PTPRD: variants seen among roughly 807,000 people sequenced by gnomAD.
PTPRD encodes the protein receptor-type tyrosine-protein phosphatase delta.
PTPRD carries 34 observed loss-of-function variants against 214.5 expected under a neutral mutation model. That is an observed-to-expected ratio of 0.16 (90% CI 0.12 to 0.21). PTPRD has a LOEUF of 0.21. Among genes scored for constraint, PTPRD ranks in the 10% least tolerant of loss-of-function variants. The pLI, the probability that PTPRD is intolerant of heterozygous loss-of-function variation, is 1.00. For missense variants in PTPRD, 2,545 were observed against 2,398.7 expected, an observed-to-expected ratio of 1.06 and a Z score of -1.27; for synonymous variants, 1,128 against 845.7, an observed-to-expected ratio of 1.33 and a Z score of -5.79.
chr9:10,319,307 G>C lies in PTPRD; in HGVS notation c.-545+21656C>G, dbSNP rs2096505977. On this transcript the variant is annotated intron_variant, in intron 3 of 45. Coordinates refer to ENST00000381196, the MANE Select transcript of PTPRD (RefSeq NM_002839.4). ...TCTTCTCCTCTGCAGATGACTTAGT[G>C]CTCATTTCATACTGTGGTTTACAGT... is the stretch of plus-strand genomic sequence containing the variant. Among the ~76,000 whole-genome samples the C allele has an allele frequency of 1.3e-5, 2 of 152,058 alleles. 1 individual carries two copies. Among genetic ancestry groups the C allele is most frequent in the South Asian group, 4.1e-4 (2 of 4,832 alleles).
intron 2 of PTPRD, among the ~76,000 whole-genome samples, chr9:10,435,460 G>C (rs929875063): frequency 6.6e-6 from 1 of 151,892 alleles, no homozygotes; most frequent in African/African-American, 2.4e-5. Flanking sequence ...GGTCTTATGA[G>C]TAAAGAGGAA....
At chr9:9,706,457 G>C (rs972006845) in intron 7 of PTPRD, among the ~76,000 whole-genome samples, 1 of 135,920 alleles carries the variant, frequency 7.4e-6, no homozygotes, top group Non-Finnish European at 1.6e-5. Context: ...TTTTTTTTTT[G>C]AGATGGAGTT....
At chr9:10,217,685 G>A (rs1351127536) in intron 3 of PTPRD, among the ~76,000 whole-genome samples, 1 of 151,388 alleles carries the variant, frequency 6.6e-6, no homozygotes, top group Non-Finnish European at 1.5e-5. Context: ...TCAGAGTAAG[G>A]TCACATCATC....
intron 8 of PTPRD, among the ~76,000 whole-genome samples, chr9:9,514,045 A>G (rs1297415574): frequency 6.6e-6 from 1 of 151,996 alleles, no homozygotes; most frequent in African/African-American, 2.4e-5. Flanking sequence ...TCAAGTCCGA[A>G]TCTGTGCTAA....
intron 12 of PTPRD, among the ~76,000 whole-genome samples, chr9:8,662,015 C>A (rs941921240): frequency 6.6e-6 from 1 of 152,138 alleles, no homozygotes; most frequent in Non-Finnish European, 1.5e-5. Flanking sequence ...CCTCCGGGTT[C>A]AAGTGATCTT....
chr9:10,100,350 T>A (rs1175959742), intron 3 of PTPRD, among the ~76,000 whole-genome samples: 1 of 151,666 alleles, frequency 6.6e-6, no homozygotes, highest in East Asian at 1.9e-4. Context: ...CATCCCAAGT[T>A]CAAATGGGTA....
chr9:9,875,813 G>C (rs1292905959), intron 5 of PTPRD, among the ~76,000 whole-genome samples: 2 of 152,064 alleles, frequency 1.3e-5, no homozygotes, highest in Non-Finnish European at 2.9e-5. Context: ...TTAGTAAAAT[G>C]TGATAAATAT....
chr9:8,437,653 C>T (rs1317688300), intron 34 of PTPRD, among the ~76,000 whole-genome samples: 1 of 152,102 alleles, frequency 6.6e-6, no homozygotes, highest in African/African-American at 2.4e-5. Context: ...ATTATTCAAC[C>T]CCCAGCAAAC....
intron 3 of PTPRD, among the ~76,000 whole-genome samples, chr9:10,043,381 C>G (rs1287588991): frequency 1.3e-5 from 2 of 151,700 alleles, no homozygotes; most frequent in Non-Finnish European, 2.9e-5. Flanking sequence ...AACTATAAAG[C>G]CCTCTCTTTA....
At chr9:9,906,833 A>G (rs953986448) in intron 5 of PTPRD, among the ~76,000 whole-genome samples, 38 of 151,978 alleles carry the variant, frequency 2.5e-4, no homozygotes, top group African/African-American at 8.2e-4. Flanking sequence ...TTCTCTTTCA[A>G]GAAATCTAAT....
chr9:9,223,457 ACC>A (rs2099957472), intron 9 of PTPRD, among the ~76,000 whole-genome samples: 1 of 151,966 alleles, frequency 6.6e-6, no homozygotes, highest in Non-Finnish European at 1.5e-5. Flanking sequence ...AGATTAATCT[ACC>A]CCTTTGGAAT....
At chr9:9,574,081 C>T (rs2087535727) in intron 8 of PTPRD, among the ~76,000 whole-genome samples, 1 of 151,668 alleles carries the variant, frequency 6.6e-6, no homozygotes, top group Admixed American at 6.6e-5. Flanking sequence ...TGAAAGTTGG[C>T]TTAGTGAAAA....
intron 6 of PTPRD, among the ~76,000 whole-genome samples, chr9:9,751,142 G>A (rs2098514588): frequency 6.6e-6 from 1 of 151,862 alleles, no homozygotes; most frequent in Non-Finnish European, 1.5e-5. Flanking sequence ...TTGCTCCTAG[G>A]TGCTATTTTT....
intron 9 of PTPRD, among the ~76,000 whole-genome samples, chr9:9,266,706 C>T (rs1185051381): frequency 1.3e-5 from 2 of 150,328 alleles, no homozygotes; most frequent in Non-Finnish European, 3.0e-5. Flanking sequence ...CCCTGAACAA[C>T]CAATAGGGAA....
chr9:8,888,484 T>G (rs1180049547), intron 11 of PTPRD, among the ~76,000 whole-genome samples: 1 of 152,160 alleles, frequency 6.6e-6, no homozygotes, highest in Admixed American at 6.5e-5. Flanking sequence ...TAGTCCCATA[T>G]AGATTTTAGA....
chr9:8,707,960 T>C (rs908673666), intron 12 of PTPRD, among the ~76,000 whole-genome samples: 1 of 152,134 alleles, frequency 6.6e-6, no homozygotes. Flanking sequence ...ACTATGCTTT[T>C]AGGGGAACTT....
At chr9:10,523,884 A>G (rs1759313244) in intron 2 of PTPRD, among the ~76,000 whole-genome samples, 1 of 151,914 alleles carries the variant, frequency 6.6e-6, no homozygotes. Context: ...AAAATGTAAA[A>G]TGCTCATTCA....
chr9:10,023,869 T>C (rs1488506467), intron 4 of PTPRD, among the ~76,000 whole-genome samples: 1 of 152,170 alleles, frequency 6.6e-6, no homozygotes, highest in Non-Finnish European at 1.5e-5. Flanking sequence ...AAAATGCTTC[T>C]TTGTTCTTAT....
intron 33 of PTPRD, among the ~76,000 whole-genome samples, chr9:8,459,388 T>C (rs1003744639): frequency 2.0e-5 from 3 of 151,908 alleles, no homozygotes; most frequent in East Asian, 3.9e-4. Context: ...AACGAGAACA[T>C]GGATTAAAGT....
Sources: gnomAD v4.1 joint callset for allele counts (sites outside exome capture counted in the v4.1 genomes callset) on GRCh38, gnomAD v4.1.1 for gene constraint, MANE v1.5 for transcripts, NCBI Gene and HGNC (gene_info 2026-07-23, HGNC 2026-07-21) for gene names.